The following ARHGAP20 variants were observed in gnomAD, a reference collection of about 807,000 sequenced individuals.
The protein encoded by ARHGAP20 is Rho GTPase activating protein 20.
In ARHGAP20, 34 loss-of-function variants were observed where a neutral mutation model predicts 73.7. That is an observed-to-expected ratio of 0.46 (90% CI 0.35 to 0.61). The LOEUF (loss-of-function observed/expected upper bound fraction) is 0.61. ARHGAP20 is among the 20% of genes least tolerant of loss of function. The pLI, the probability that ARHGAP20 is intolerant of heterozygous loss-of-function variation, is 0.00. For synonymous variants in ARHGAP20, 523 were observed against 518.2 expected (o/e 1.01, Z -0.13); for missense variants, 1,314 against 1,420.9 (o/e 0.92, Z 1.21).
At position 110,586,157 on chromosome 11, in the gene ARHGAP20, A is replaced by ATAATC. The variant is rs1947658960; in HGVS notation, c.1415+54_1415+58dup. ...TTGATAGCTGTCATTATTTTAATAA[A>ATAATC]TAATCTTATAAAATATTTTTAAAGT... On this transcript the variant is annotated intron_variant, in intron 12 of 14. Coordinates refer to ENST00000683387, the MANE Select transcript of ARHGAP20 (RefSeq NM_001384657.1). 7 of 895,016 alleles carry ATAATC rather than the reference A, an allele frequency of 7.8e-6. No homozygotes were observed. The South Asian group carries it at 2.2e-4, about 28-fold the overall frequency. The allele number at this position is 895,016 out of a possible 1,614,324, so 55.4% of individuals were successfully genotyped here.
At position 110,621,074 on chromosome 11, in the gene ARHGAP20, CAAAAAAAA is replaced by C. The variant is rs34424855; in HGVS notation, c.503+3080_503+3087del. On this transcript the variant is annotated intron_variant, in intron 4 of 14. Transcript: ENST00000683387. ...GGGCAACAAGAGTAAAACTCCATCT[CAAAAAAAA>C]AAAAAAAAAAAAAAAGCTCCACTGT... Among the ~76,000 whole-genome samples the C allele has an allele frequency of 6.4e-4, 30 of 46,794 alleles. No homozygotes were observed. The South Asian group carries it at 0.022, about 35-fold the overall frequency. The allele number at this position is 46,794 out of a possible 152,430, so 30.7% of individuals were successfully genotyped here.
At chr11:110,683,596 T>A (rs1950076831) in intron 2 of ARHGAP20, among the ~76,000 whole-genome samples, 1 of 152,172 alleles carries the variant, frequency 6.6e-6, no homozygotes. Context: ...AGAGGAAACA[T>A]GCATATAAGG....
At chr11:110,624,424 A>C in intron 3 of ARHGAP20, 113 bp from the exon 4 acceptor site, 1 of 781,312 alleles carries the variant, frequency 1.3e-6, no homozygotes, top group South Asian at 2.0e-5. Context: ...AGAAAACCAA[A>C]TACTGCATGT....
At chr11:110,648,160 T>C (rs1410789007) in intron 2 of ARHGAP20, among the ~76,000 whole-genome samples, 1 of 80,480 alleles carries the variant, frequency 1.2e-5, no homozygotes, top group Admixed American at 1.4e-4. Context: ...ATATAATATA[T>C]ATATATATGT....
At chr11:110,596,010 C>T (rs1237081119) in intron 9 of ARHGAP20, among the ~76,000 whole-genome samples, 2 of 152,108 alleles carry the variant, frequency 1.3e-5, no homozygotes, top group African/African-American at 2.4e-5. Context: ...ACTATCTGAT[C>T]TTTGACAAAC....
At position 110,609,055 on chromosome 11, in the gene ARHGAP20, G is replaced by C. The variant is rs765817353; in HGVS notation, c.709-5C>G. On this transcript the variant is annotated splice_region_variant and splice_polypyrimidine_tract_variant and intron_variant, in intron 7 of 14. Transcript: ENST00000683387. ...CTGGTAATCTCTCTCAGAGCCCTTA[G>C]AGATAAAAGAGTTAAATGTCACAAT... The C allele has an allele frequency of 4.3e-6, 7 of 1,611,920 alleles. No homozygotes were observed. Among genetic ancestry groups the C allele is most frequent in the Non-Finnish European group, 5.9e-6 (7 of 1,178,566 alleles).
At chr11:110,688,284 C>T (rs906327168) in intron 2 of ARHGAP20, among the ~76,000 whole-genome samples, 9 of 151,970 alleles carry the variant, frequency 5.9e-5, no homozygotes, top group South Asian at 4.2e-4. Context: ...CTCCTCCCCC[C>T]GCCCCCAATG....
chr11:110,605,082 G>A (rs562185619), intron 9 of ARHGAP20, among the ~76,000 whole-genome samples: 1 of 152,254 alleles, frequency 6.6e-6, no homozygotes, highest in Admixed American at 6.5e-5. Flanking sequence ...GAGATGTATA[G>A]GAATGTAGAA....
At chr11:110,639,250 C>A (rs1949032017) in intron 2 of ARHGAP20, among the ~76,000 whole-genome samples, 1 of 146,120 alleles carries the variant, frequency 6.8e-6, no homozygotes, top group African/African-American at 2.6e-5. Flanking sequence ...CCCCCCCCCA[C>A]AAGAGTTTTA....
intron 3 of ARHGAP20, among the ~76,000 whole-genome samples, chr11:110,625,392 A>C (rs1185586890): frequency 6.6e-6 from 1 of 152,194 alleles, no homozygotes. Flanking sequence ...CACTAAAAAA[A>C]CCCTGTAGTT....
chr11:110,617,265 C>CTT (rs796278739), intron 4 of ARHGAP20, among the ~76,000 whole-genome samples: 8 of 143,638 alleles, frequency 5.6e-5, no homozygotes, highest in African/African-American at 2.0e-4. Context: ...CTTTTTCTTT[C>CTT]TTTTTTTTTT....
rs764622479 is a variant in ARHGAP20, at chr11:110,579,501, T to A, written c.3445A>T (p.Ser1149Cys). 1 of 1,614,132 alleles carries A rather than the reference T, an allele frequency of 6.2e-7. No homozygotes were observed. The change falls in exon 15 of 15, where the codon AGC becomes TGC. Residue 1149 changes from serine to cysteine, a missense_variant. Ser to Cys is a moderately radical substitution (Grantham distance 112). Transcript: ENST00000683387. ...SHEEIEPGSQ[S>C]SSGSLPWERA... is the part of the protein sequence containing the mutation. ...TCCCAAGGCAGAGAACCAGAAGAGC[T>A]CTGACTACCAGGCTCTATTTCCTCA...
At chr11:110,687,496 T>G (rs1950160566) in intron 2 of ARHGAP20, among the ~76,000 whole-genome samples, 2 of 152,172 alleles carry the variant, frequency 1.3e-5, no homozygotes, top group Non-Finnish European at 2.9e-5. Context: ...TGTTGTATAT[T>G]ATTATATTGG....
At chr11:110,647,262 T>A (rs1262164186) in intron 2 of ARHGAP20, among the ~76,000 whole-genome samples, 1 of 152,016 alleles carries the variant, frequency 6.6e-6, no homozygotes, top group African/African-American at 2.4e-5. Flanking sequence ...AAATGGGGAT[T>A]TAAAATCTAT....
At chr11:110,692,134 TCACACCTCTTAGGAA>T (rs1950255002) in intron 1 of ARHGAP20, among the ~76,000 whole-genome samples, 1 of 152,108 alleles carries the variant, frequency 6.6e-6, no homozygotes, top group Non-Finnish European at 1.5e-5. Flanking sequence ...TTTCCATTAC[TCACACCTCTTAGGAA>T]CATAATCCTC....
At chr11:110,629,821 T>C (rs958494783) in intron 3 of ARHGAP20, among the ~76,000 whole-genome samples, 2 of 152,210 alleles carry the variant, frequency 1.3e-5, no homozygotes, top group African/African-American at 2.4e-5. Flanking sequence ...CAGGTGAGCT[T>C]TGAGATAACT....
chr11:110,603,445 C>T (rs937241444), intron 9 of ARHGAP20, among the ~76,000 whole-genome samples: 3 of 152,158 alleles, frequency 2.0e-5, no homozygotes, highest in African/African-American at 7.2e-5. Flanking sequence ...AAAGTTTATA[C>T]TGTAGTAATT....
intron 8 of ARHGAP20, among the ~76,000 whole-genome samples, chr11:110,608,708 T>G (rs1948291447): frequency 6.6e-6 from 1 of 152,168 alleles, no homozygotes; most frequent in Admixed American, 6.5e-5. Context: ...GAAAAAAATT[T>G]AAAAAGGTTT....
At chr11:110,671,398 C>T (rs968396755) in intron 2 of ARHGAP20, among the ~76,000 whole-genome samples, 7 of 152,050 alleles carry the variant, frequency 4.6e-5, no homozygotes, top group Non-Finnish European at 1.5e-5. Flanking sequence ...AAACATCATA[C>T]TTAATGGTGA....
Sources: gnomAD v4.1 joint callset for allele counts (sites outside exome capture counted in the v4.1 genomes callset) on GRCh38, gnomAD v4.1.1 for gene constraint, MANE v1.5 for transcripts, NCBI Gene and HGNC (gene_info 2026-07-23, HGNC 2026-07-21) for gene names.